Variants in GADL1 observed in about 807,000 individuals in gnomAD.
The protein encoded by GADL1 is acidic amino acid decarboxylase GADL1.
A neutral mutation model predicts 69.5 loss-of-function variants in GADL1; 71 were observed. That is an observed-to-expected ratio of 1.02 (90% CI 0.84 to 1.25). The LOEUF (loss-of-function observed/expected upper bound fraction) is 1.25. GADL1 is among the 50% of genes most tolerant of loss of function. The pLI is 0.00. For missense variants in GADL1, 737 were observed against 631.8 expected, an observed-to-expected ratio of 1.17 and a Z score of -1.79; for synonymous variants, 254 against 214.4, an observed-to-expected ratio of 1.18 and a Z score of -1.62.
chr3:30,797,768 G>A lies in GADL1; in HGVS notation c.1250+3121C>T, dbSNP rs1369295915. The A allele has an allele frequency of 2.0e-5, 3 of 151,586 alleles. No individual in the cohort carries two copies. In the East Asian group the frequency reaches 5.8e-4, roughly 30 times the overall value. 9.4% of individuals were successfully genotyped at this position (151,586 alleles called of 1,614,324 possible). On this transcript the variant is annotated intron_variant, in intron 12 of 14. Transcript: ENST00000282538. ...CAGCTAGTTGTTACCATGTGGGATT[G>A]AGAGCATTCTAAGCTTTGAGAAAAG...
chr3:30,756,657 C>A (rs1336103837), intron 14 of GADL1, among the ~76,000 whole-genome samples: 2 of 152,080 alleles, frequency 1.3e-5, no homozygotes, highest in Non-Finnish European at 2.9e-5. Context: ...CTACCACTGG[C>A]AGAACAAGCC....
intron 14 of GADL1, among the ~76,000 whole-genome samples, chr3:30,733,497 A>G (rs781775758): frequency 1.3e-5 from 2 of 152,192 alleles, no homozygotes; most frequent in Non-Finnish European, 2.9e-5. Context: ...TGAAATGTTC[A>G]TACTTTGTAT....
intron 13 of GADL1, among the ~76,000 whole-genome samples, chr3:30,781,722 AGAT>A (rs1460948264): frequency 6.6e-6 from 1 of 152,218 alleles, no homozygotes; most frequent in African/African-American, 2.4e-5. Flanking sequence ...TATAAAATGT[AGAT>A]GATGTCTGCC....
intron 14 of GADL1, among the ~76,000 whole-genome samples, chr3:30,736,882 A>G (rs2125471036): frequency 6.6e-6 from 1 of 152,314 alleles, no homozygotes; most frequent in South Asian, 2.1e-4. Flanking sequence ...AGAAATTTCT[A>G]TCTGTTGCAT....
At position 30,726,324 on chromosome 3, in the gene GADL1, A is replaced by G. The variant is rs1695365948; in HGVS notation, c.*1918T>C. The G allele has an allele frequency of 6.6e-6, 1 of 152,222 alleles. No individual in the cohort carries two copies. Among genetic ancestry groups the G allele is most frequent in the South Asian group, 2.1e-4 (1 of 4,834 alleles). 9.4% of individuals were successfully genotyped at this position (152,222 alleles called of 1,614,324 possible). The stretch of plus-strand genomic sequence containing the variant: ...CAGTTCACTTCTAAAATGTATTGGT[A>G]CAATCCAGTAAAGAGGAGATGACAG... On this transcript the variant is annotated 3_prime_UTR_variant, in exon 15 of 15. Transcript: ENST00000282538.
chr3:30,882,946 G>T (rs1277309793), intron 1 of GADL1, among the ~76,000 whole-genome samples: 2 of 151,756 alleles, frequency 1.3e-5, no homozygotes, highest in African/African-American at 2.4e-5. Context: ...GCGTACATTT[G>T]TTGGTTATTG....
At chr3:30,765,807 G>A (rs547298155) in intron 14 of GADL1, among the ~76,000 whole-genome samples, 1 of 152,158 alleles carries the variant, frequency 6.6e-6, no homozygotes, top group African/African-American at 2.4e-5. Flanking sequence ...GAATTGTAAT[G>A]CATCATCCCT....
chr3:30,857,006 A>G lies in GADL1; in HGVS notation c.337+9T>C. 1.3e-6 allele frequency: 2 copies of G among 1,547,512 alleles called. No homozygotes were observed. The highest frequency in any genetic ancestry group is 1.7e-6 in the Non-Finnish European group (2 of 1,143,784). On this transcript the variant is annotated intron_variant, in intron 3 of 14. Transcript: ENST00000282538. ...GGTACAGATCAAGGAAGTAAATTAA[A>G]GTTCTTACTAGTTTTGACACTGTAG...
At chr3:30,752,203 T>A (rs1324513834) in intron 14 of GADL1, among the ~76,000 whole-genome samples, 1 of 152,090 alleles carries the variant, frequency 6.6e-6, no homozygotes, top group South Asian at 2.1e-4. Flanking sequence ...CAGGTAACTT[T>A]AGGGTTTTCG....
intron 12 of GADL1, 41 bp from the exon 13 acceptor site, chr3:30,786,447 TAA>T (rs749475016): frequency 2.9e-6 from 3 of 1,038,194 alleles, no homozygotes; most frequent in Non-Finnish European, 4.5e-6. Flanking sequence ...ATCTGCAATG[TAA>T]AAGTGTCATG....
intron 8 of GADL1, among the ~76,000 whole-genome samples, chr3:30,840,908 T>C (rs1248323457): frequency 6.6e-6 from 1 of 152,216 alleles, no homozygotes; most frequent in Non-Finnish European, 1.5e-5. Flanking sequence ...TCTAACAAAA[T>C]GTCTCTAAAT....
chr3:30,812,773 T>A (rs1697386442), intron 11 of GADL1, among the ~76,000 whole-genome samples: 1 of 152,156 alleles, frequency 6.6e-6, no homozygotes. Flanking sequence ...TCTCATATTA[T>A]TGCTAACTCT....
chr3:30,820,547 G>A (rs1175877132), intron 11 of GADL1, among the ~76,000 whole-genome samples: 1 of 152,080 alleles, frequency 6.6e-6, no homozygotes, highest in Non-Finnish European at 1.5e-5. Flanking sequence ...TCTTACATCA[G>A]CCTTAGCAGT....
chr3:30,745,190 A>G (rs1340717204), intron 14 of GADL1, among the ~76,000 whole-genome samples: 4 of 152,184 alleles, frequency 2.6e-5, no homozygotes, highest in Non-Finnish European at 5.9e-5. Context: ...ACTATTCAGG[A>G]CTCAAAGTAG....
chr3:30,771,627 T>C (rs1575196971), intron 14 of GADL1, among the ~76,000 whole-genome samples: 1 of 137,624 alleles, frequency 7.3e-6, no homozygotes, highest in South Asian at 2.3e-4. Flanking sequence ...GGATATACTA[T>C]AAATTCTGTA....
In GADL1 at chr3:30,891,717, G is replaced by T. The variant is rs187483521; in HGVS notation, c.37+2861C>A. ...TGACTTGTTAACGAAGGTTACATAA[G>T]ATGGTATTTGTAGTTCGGCACAGCA... is the stretch of plus-strand genomic sequence containing the variant. On this transcript the variant is annotated intron_variant, in intron 1 of 14. Coordinates refer to ENST00000282538, the MANE Select transcript of GADL1 (RefSeq NM_207359.3). 2.0e-5 allele frequency among the ~76,000 whole-genome samples: 3 copies of T among 152,230 alleles called. No individual in the cohort carries two copies. The East Asian group carries it at 5.8e-4, about 29-fold the overall frequency.
intron 12 of GADL1, among the ~76,000 whole-genome samples, chr3:30,797,245 T>C (rs1245138121): frequency 6.6e-6 from 1 of 152,118 alleles, no homozygotes; most frequent in Non-Finnish European, 1.5e-5. Context: ...ATATAAAGTA[T>C]AAAGTCATGC....
intron 13 of GADL1, 46 bp downstream of exon 13, chr3:30,786,309 C>T (rs765105278): frequency 8.6e-7 from 1 of 1,167,154 alleles, no homozygotes; most frequent in Non-Finnish European, 1.3e-6. Context: ...CCACCTTCAT[C>T]ACTGTTAACT....
chr3:30,803,275 C>A (rs1697196229), intron 11 of GADL1, among the ~76,000 whole-genome samples: 1 of 152,138 alleles, frequency 6.6e-6, no homozygotes, highest in African/African-American at 2.4e-5. Flanking sequence ...ACTGCTGCAT[C>A]TCCCTGCCCT....
Sources: allele counts gnomAD v4.1 joint callset (sites outside exome capture counted in the v4.1 genomes callset), GRCh38; gene constraint gnomAD v4.1.1; transcripts MANE v1.5; gene names NCBI Gene and HGNC (gene_info 2026-07-23, HGNC 2026-07-21).